ASB18: variants seen among roughly 807,000 people sequenced by gnomAD.
ASB18 encodes ankyrin repeat and SOCS box containing 18.
Under a neutral mutation model 33.4 loss-of-function variants are expected in ASB18, and 33 were observed. That is an observed-to-expected ratio of 0.99 (90% CI 0.75 to 1.32). ASB18 has a LOEUF of 1.32. Among genes scored for constraint, ASB18 ranks in the 40% most tolerant of loss-of-function variants. The probability of loss-of-function intolerance (pLI) is 0.00; values close to 1 mark genes in which losing one functional copy is unlikely to be tolerated. For synonymous variants in ASB18, 295 were observed against 307.6 expected (o/e 0.96, Z 0.43); for missense variants, 694 against 655.5 (o/e 1.06, Z -0.64).
In ASB18 at chr2:236,235,210, C is replaced by T. The variant is rs1411281379; in HGVS notation, c.596+2479G>A. The stretch of plus-strand genomic sequence containing the variant: ...TTTGGTCAACAACAGACCACATATA[C>T]AATAGTGGTCCCATAAGATTATACT... On this transcript the variant is annotated intron_variant, in intron 3 of 5. Coordinates refer to ENST00000409749, the MANE Select transcript of ASB18 (RefSeq NM_212556.4). This position sits in a 1 kb window ranked among gnomAD's most constrained non-coding sequence, Gnocchi z 6.2. Among the ~76,000 whole-genome samples, 1 of 152,220 alleles carries T rather than the reference C, an allele frequency of 6.6e-6. No homozygotes were observed. Among genetic ancestry groups the T allele is most frequent in the African/African-American group, 2.4e-5 (1 of 41,456 alleles).
In ASB18 at chr2:236,257,500, G is replaced by A. The variant is rs751683412; in HGVS notation, c.205+6641C>T. On this transcript the variant is annotated intron_variant, in intron 1 of 5. Coordinates refer to ENST00000409749, the MANE Select transcript of ASB18 (RefSeq NM_212556.4). The surrounding 1 kb of genome is among the most constrained non-coding windows in gnomAD (Gnocchi z 5.5). ...TTTTTGCTCAATGATTTGAAACCAG[G>A]GACTCTATCTACTGAGATTGTGTGC... is the stretch of plus-strand genomic sequence containing the variant. Among the ~76,000 whole-genome samples, 7 of 152,250 alleles carry A rather than the reference G, an allele frequency of 4.6e-5. No homozygotes were observed. Among genetic ancestry groups the A allele is most frequent in the Middle Eastern group, 3.4e-3 (1 of 294 alleles).
At position 236,214,374 on chromosome 2, in the gene ASB18, G is replaced by A. The variant is rs372499817; in HGVS notation, c.1089C>T (p.Asp363=). The change falls in exon 4 of 6, where the codon GAC becomes GAT. Residue 363 remains aspartate, a synonymous_variant. Transcript: ENST00000409749. The surrounding 1 kb of genome is among the most constrained non-coding windows in gnomAD (Gnocchi z 6.5). ...LNHGSPTVWP[D]AFPKVLKTCA... Reference sequence around the variant, plus strand: ...GATCCTGCCTTACCTTGGGGAAGGCGTCGGGCCACACGGTGGGAGAGCCGT... The same window carrying A: ...GATCCTGCCTTACCTTGGGGAAGGCATCGGGCCACACGGTGGGAGAGCCGT... 2.5e-6 allele frequency: 4 copies of A among 1,575,514 alleles called. No individual in the cohort carries two copies. Among genetic ancestry groups the A allele is most frequent in the Middle Eastern group, 1.7e-4 (1 of 5,978 alleles).
Position 236,259,124 on chromosome 2 carries a change from A to G in ASB18, c.205+5017T>C, listed in dbSNP as rs2060706675. On this transcript the variant is annotated intron_variant, in intron 1 of 5. Transcript: ENST00000409749. This position sits in a 1 kb window ranked among gnomAD's most constrained non-coding sequence, Gnocchi z 4.4. Reference sequence around the variant, plus strand: ...GCAGCTACTAACCAATTGGTATTGAAAAGAGGCAAGCACAAATAATGCAGT... The same window carrying G: ...GCAGCTACTAACCAATTGGTATTGAGAAGAGGCAAGCACAAATAATGCAGT... Among the ~76,000 whole-genome samples the G allele has an allele frequency of 6.6e-6, 1 of 152,206 alleles. No homozygotes were observed. The highest frequency in any genetic ancestry group is 2.4e-5 in the African/African-American group (1 of 41,456).
At chr2:236,243,803 T>A (rs1446926009) in intron 1 of ASB18, among the ~76,000 whole-genome samples, 2 of 152,202 alleles carry the variant, frequency 1.3e-5, no homozygotes, top group African/African-American at 2.4e-5. Context: ...AGCTCATTTT[T>A]TTCTTGTAAC....
chr2:236,241,524 G>A lies in ASB18; in HGVS notation c.206-122C>T, dbSNP rs764520522. 5.1e-5 allele frequency: 55 copies of A among 1,070,372 alleles called. No individual in the cohort carries two copies. In the Admixed American group the frequency reaches 8.1e-4, roughly 16 times the overall value. The allele number at this position is 1,070,372 out of a possible 1,614,324, so 66.3% of individuals were successfully genotyped here. On this transcript the variant is annotated intron_variant, in intron 1 of 5. Coordinates refer to ENST00000409749, the MANE Select transcript of ASB18 (RefSeq NM_212556.4). The surrounding 1 kb of genome is among the most constrained non-coding windows in gnomAD (Gnocchi z 4.2). Reference sequence around the variant, plus strand: ...CTGGCCCTGGCTGTCTCTCCATTGAGATGCCGTCGATTTCAGAAGAGTTCT... The same window carrying A: ...CTGGCCCTGGCTGTCTCTCCATTGAAATGCCGTCGATTTCAGAAGAGTTCT...
In ASB18 at chr2:236,194,889, G is replaced by A. The variant is rs371118994; in HGVS notation, c.1384C>T (p.Gln462Ter). Residue 462 changes from glutamine (Q) to a stop codon, truncating the protein, a stop_gained, in exon 6 of 6, where the codon CAG (glutamine) becomes TAG (stop). Coordinates refer to ENST00000409749, the MANE Select transcript of ASB18 (RefSeq NM_212556.4). LOFTEE classifies it high-confidence loss of function. This position sits in a 1 kb window ranked among gnomAD's most constrained non-coding sequence, Gnocchi z 4.5. Reference protein sequence around the residue: ...PLQNYLLLEPQGVLH With the variant: ...PLQNYLLLEP ...TCTGCGTTTCAGTGCAAAACACCCT[G>A]TGGCTCCAAAAGTAGGTAATTCTGC... is the stretch of plus-strand genomic sequence containing the variant. The A allele has an allele frequency of 2.5e-6, 4 of 1,613,528 alleles. No individual in the cohort carries two copies. The highest frequency in any genetic ancestry group is 4.5e-5 in the East Asian group (2 of 44,862).
chr2:236,246,817 G>C (rs2060646851), intron 1 of ASB18, among the ~76,000 whole-genome samples: 1 of 152,052 alleles, frequency 6.6e-6, no homozygotes, highest in African/African-American at 2.4e-5. Context: ...TCTAAGCATA[G>C]CCATTTTGCC....
At position 236,216,843 on chromosome 2, in the gene ASB18, G is replaced by T. The variant is rs1014084496; in HGVS notation, c.597-1977C>A. 2.0e-5 allele frequency among the ~76,000 whole-genome samples: 3 copies of T among 152,134 alleles called. No homozygotes were observed. The highest frequency in any genetic ancestry group is 7.2e-5 in the African/African-American group (3 of 41,422). On this transcript the variant is annotated intron_variant, in intron 3 of 5. Coordinates refer to ENST00000409749, the MANE Select transcript of ASB18 (RefSeq NM_212556.4). The surrounding 1 kb of genome is among the most constrained non-coding windows in gnomAD (Gnocchi z 6.1). Reference sequence around the variant, plus strand: ...GGACACATCATGATCCAGCTCCTGGGGGCTCACCGGGTTCACCTCCTGAGG... The same window carrying T: ...GGACACATCATGATCCAGCTCCTGGTGGCTCACCGGGTTCACCTCCTGAGG...
intron 1 of ASB18, among the ~76,000 whole-genome samples, chr2:236,258,005 A>G (rs549231704): frequency 6.6e-6 from 1 of 152,324 alleles, no homozygotes; most frequent in South Asian, 2.1e-4. Context: ...GTGTAGGACC[A>G]GTTTCAGTTT....
At position 236,214,940 on chromosome 2, in the gene ASB18, G is replaced by T; in HGVS notation, c.597-74C>A. On this transcript the variant is annotated intron_variant, in intron 3 of 5. Coordinates refer to ENST00000409749, the MANE Select transcript of ASB18 (RefSeq NM_212556.4). This position sits in a 1 kb window ranked among gnomAD's most constrained non-coding sequence, Gnocchi z 6.5. ...ACCCTTCCACCCCCGGCCTGCTGCT[G>T]CAAAATATCAAGTGACCTCTGAATG... The T allele has an allele frequency of 8.8e-7, 1 of 1,132,038 alleles. No individual in the cohort carries two copies. Among genetic ancestry groups the T allele is most frequent in the Non-Finnish European group, 1.1e-6 (1 of 912,796 alleles). 70.1% of individuals were successfully genotyped at this position (1,132,038 alleles called of 1,614,324 possible). A position where few individuals can be genotyped will look rare whatever the true frequency, so the allele number is the denominator to read the frequency against.
rs2060549723 is a variant in ASB18, at chr2:236,228,282, C to A, written c.596+9407G>T. Among the ~76,000 whole-genome samples the A allele has an allele frequency of 6.6e-6, 1 of 152,186 alleles. No homozygotes were observed. The highest frequency in any genetic ancestry group is 1.5e-5 in the Non-Finnish European group (1 of 68,034). On this transcript the variant is annotated intron_variant, in intron 3 of 5. Coordinates refer to ENST00000409749, the MANE Select transcript of ASB18 (RefSeq NM_212556.4). This position sits in a 1 kb window ranked among gnomAD's most constrained non-coding sequence, Gnocchi z 5.1. ...GATTGGCAGTATTGGATTTCTCAACCTCCCAAAGGGCCTCTGGGCTCTCAG... is the reference window on the plus strand; with the variant it reads ...GATTGGCAGTATTGGATTTCTCAACATCCCAAAGGGCCTCTGGGCTCTCAG...
intron 1 of ASB18, chr2:236,247,741 G>A (rs946856740): frequency 3.3e-5 from 5 of 152,236 alleles, no homozygotes; most frequent in Non-Finnish European, 5.9e-5. Context: ...TCTTTCAAGA[G>A]TGAATTTGTG....
chr2:236,195,179 G>A lies in ASB18; in HGVS notation c.1216-122C>T, dbSNP rs554449744. 6.6e-5 allele frequency: 57 copies of A among 860,232 alleles called. No individual in the cohort carries two copies. Among genetic ancestry groups the A allele is most frequent in the South Asian group, 2.3e-4 (13 of 55,492 alleles). The allele number at this position is 860,232 out of a possible 1,614,324, so 53.3% of individuals were successfully genotyped here. Reference sequence around the variant, plus strand: ...TATGGCTAACTGATCCCAGATAAGCGCACTGGAGGGAGACGCACCATCTTG... The same window carrying A: ...TATGGCTAACTGATCCCAGATAAGCACACTGGAGGGAGACGCACCATCTTG... On this transcript the variant is annotated intron_variant, in intron 5 of 5. Coordinates refer to ENST00000409749, the MANE Select transcript of ASB18 (RefSeq NM_212556.4). The surrounding 1 kb of genome is among the most constrained non-coding windows in gnomAD (Gnocchi z 5.5).
Position 236,235,799 on chromosome 2 carries a change from TC to T in ASB18, c.596+1889del, listed in dbSNP as rs1393036985. On this transcript the variant is annotated intron_variant, in intron 3 of 5. Coordinates refer to ENST00000409749, the MANE Select transcript of ASB18 (RefSeq NM_212556.4). This position sits in a 1 kb window ranked among gnomAD's most constrained non-coding sequence, Gnocchi z 6.2. The stretch of plus-strand genomic sequence containing the variant: ...ATGGCTTACTCCTGTGCTCAAGCGA[TC>T]CTCCCACCTCAGCCCCCTGAGTAGC... Among the ~76,000 whole-genome samples, 1 of 152,178 alleles carries T rather than the reference TC, an allele frequency of 6.6e-6. No individual in the cohort carries two copies. The highest frequency in any genetic ancestry group is 1.9e-4 in the East Asian group (1 of 5,186).
At chr2:236,242,625 A>ATTT (rs750746306) in intron 1 of ASB18, among the ~76,000 whole-genome samples, 1 of 151,632 alleles carries the variant, frequency 6.6e-6, no homozygotes, top group Non-Finnish European at 1.5e-5. Flanking sequence ...CGCCCTGCTA[A>ATTT]TTTTTTTTTA....
chr2:236,215,280 C>T lies in ASB18; in HGVS notation c.597-414G>A, dbSNP rs1186244228. On this transcript the variant is annotated intron_variant, in intron 3 of 5. Coordinates refer to ENST00000409749, the MANE Select transcript of ASB18 (RefSeq NM_212556.4). The surrounding 1 kb of genome is among the most constrained non-coding windows in gnomAD (Gnocchi z 7.2). ...GGCCCTTGGGGGTCAGACTCTTTCC[C>T]GGCCCCCATCTAGCCCTTCTGGAAA... is the stretch of plus-strand genomic sequence containing the variant. Among the ~76,000 whole-genome samples, 1 of 152,114 alleles carries T rather than the reference C, an allele frequency of 6.6e-6. No individual in the cohort carries two copies. Among genetic ancestry groups the T allele is most frequent in the Non-Finnish European group, 1.5e-5 (1 of 68,036 alleles).
Position 236,252,893 on chromosome 2 carries a change from AC to A in ASB18, c.205+11247del, listed in dbSNP as rs1218355582. 6.6e-6 allele frequency among the ~76,000 whole-genome samples: 1 copy of A among 152,124 alleles called. No homozygotes were observed. The highest frequency in any genetic ancestry group is 1.5e-5 in the Non-Finnish European group (1 of 68,006). ...TTTGCCTCAGCTGCAGAGCTGCATC[AC>A]CTAAGAACACTCCTCCCAACGTGGC... On this transcript the variant is annotated intron_variant, in intron 1 of 5. Transcript: ENST00000409749. The surrounding 1 kb of genome is among the most constrained non-coding windows in gnomAD (Gnocchi z 7.9).
At position 236,208,339 on chromosome 2, in the gene ASB18, C is replaced by T. The variant is rs2060443643; in HGVS notation, c.1101+6023G>A. 2.0e-5 allele frequency among the ~76,000 whole-genome samples: 3 copies of T among 152,310 alleles called. No homozygotes were observed. The highest frequency in any genetic ancestry group is 4.1e-4 in the South Asian group (2 of 4,824). On this transcript the variant is annotated intron_variant, in intron 4 of 5. Transcript: ENST00000409749. This position sits in a 1 kb window ranked among gnomAD's most constrained non-coding sequence, Gnocchi z 7.7. ...TAACATGCCATTTCCTCGTGCACGG[C>T]AGTCTCTGATTTCAATCATCCCCTT... is the stretch of plus-strand genomic sequence containing the variant.
chr2:236,249,109 G>A lies in ASB18; in HGVS notation c.206-7707C>T, dbSNP rs1480848757. On this transcript the variant is annotated intron_variant, in intron 1 of 5. Coordinates refer to ENST00000409749, the MANE Select transcript of ASB18 (RefSeq NM_212556.4). The surrounding 1 kb of genome is among the most constrained non-coding windows in gnomAD (Gnocchi z 4.6). ...CATTCAAAGCATGTCTGTACAGTAA[G>A]AGTAACTCGTGTCAGACAGATGTCC... The A allele has an allele frequency of 6.6e-6, 1 of 152,246 alleles. No individual in the cohort carries two copies. The highest frequency in any genetic ancestry group is 2.4e-5 in the African/African-American group (1 of 41,462). The allele number at this position is 152,246 out of a possible 1,614,324, so 9.4% of individuals were successfully genotyped here. A position where few individuals can be genotyped will look rare whatever the true frequency, so the allele number is the denominator to read the frequency against.
Sources: gnomAD v4.1 joint callset for allele counts (sites outside exome capture counted in the v4.1 genomes callset) on GRCh38, gnomAD v4.1.1 for gene constraint, Gnocchi (gnomAD v3.1) non-coding constraint, MANE v1.5 for transcripts, NCBI Gene and HGNC (gene_info 2026-07-23, HGNC 2026-07-21) for gene names.